Variants in RBKS observed in about 807,000 individuals in gnomAD.
RBKS encodes ribokinase.
A neutral mutation model predicts 33.9 loss-of-function variants in RBKS; 33 were observed. The observed-to-expected ratio is 0.97, with a 90% CI of 0.74 to 1.30. RBKS has a LOEUF of 1.30. Ranked by LOEUF, RBKS falls within the 50% of genes most tolerant of loss-of-function variation. The probability of loss-of-function intolerance (pLI) is 0.00; values close to 1 mark genes in which losing one functional copy is unlikely to be tolerated. For synonymous variants in RBKS, 125 were observed against 143.0 expected, an observed-to-expected ratio of 0.87 and a Z score of 0.90; for missense variants, 361 against 392.6, an observed-to-expected ratio of 0.92 and a Z score of 0.68.
At chr2:27,789,898 AGAGTG>A (rs1677476329) in intron 7 of RBKS, among the ~76,000 whole-genome samples, 1 of 130,680 alleles carries the variant, frequency 7.7e-6, no homozygotes, top group Non-Finnish European at 1.6e-5. Context: ...GTGTGTGTAT[AGAGTG>A]TGTGTGTGTG....
At chr2:27,824,761 G>A (rs1026117731) in intron 7 of RBKS, among the ~76,000 whole-genome samples, 1 of 152,120 alleles carries the variant, frequency 6.6e-6, no homozygotes, top group Non-Finnish European at 1.5e-5. Context: ...TTTTCATGAG[G>A]CAAATACTTT....
chr2:27,864,091 A>G (rs894641890), intron 1 of RBKS, among the ~76,000 whole-genome samples: 6 of 151,996 alleles, frequency 3.9e-5, no homozygotes, highest in African/African-American at 1.5e-4. Context: ...CAGTGGTACA[A>G]CCACAGCTCA....
At chr2:27,786,706 G>A (rs1190118183) in intron 7 of RBKS, among the ~76,000 whole-genome samples, 1 of 151,684 alleles carries the variant, frequency 6.6e-6, no homozygotes, top group Non-Finnish European at 1.5e-5. Context: ...GCTTGAACCC[G>A]GGAGGTGGAG....
In RBKS at chr2:27,848,110, A is replaced by C; in HGVS notation, c.223-13T>G. The stretch of plus-strand genomic sequence containing the variant: ...AATCTTTGCCAACCTGTACCAAAGA[A>C]ATAATGAATATTAGATCTTTTAGAG... On this transcript the variant is annotated splice_polypyrimidine_tract_variant and intron_variant, in intron 2 of 7. Transcript: ENST00000302188. 7.2e-7 allele frequency: 1 copy of C among 1,381,674 alleles called. No individual in the cohort carries two copies. Among genetic ancestry groups the C allele is most frequent in the South Asian group, 1.2e-5 (1 of 80,228 alleles). 85.6% of individuals were successfully genotyped at this position (1,381,674 alleles called of 1,614,324 possible).
chr2:27,803,774 C>T (rs1224654282), intron 7 of RBKS, among the ~76,000 whole-genome samples: 3 of 150,164 alleles, frequency 2.0e-5, no homozygotes, highest in African/African-American at 4.9e-5. Flanking sequence ...GGGCCAGGTG[C>T]GGTGACTCAC....
intron 5 of RBKS, among the ~76,000 whole-genome samples, chr2:27,839,355 A>G (rs903019200): frequency 3.3e-5 from 5 of 152,230 alleles, no homozygotes; most frequent in East Asian, 1.9e-4. Flanking sequence ...AAATGGATAT[A>G]AAGACCAGAA....
intron 7 of RBKS, among the ~76,000 whole-genome samples, chr2:27,806,632 CA>C (rs1677901140): frequency 6.6e-6 from 1 of 152,220 alleles, no homozygotes; most frequent in Non-Finnish European, 1.5e-5. Flanking sequence ...CCCATTAAAG[CA>C]GTCCTCTGGG....
At chr2:27,874,764 T>G (rs187340697) in intron 1 of RBKS, among the ~76,000 whole-genome samples, 2 of 152,064 alleles carry the variant, frequency 1.3e-5, no homozygotes, top group Non-Finnish European at 2.9e-5. Flanking sequence ...TTATGGGGAG[T>G]TTAAAAAACA....
At position 27,792,371 on chromosome 2, in the gene RBKS, C is replaced by T. The variant is rs1677546755; in HGVS notation, c.796-10583G>A. Among the ~76,000 whole-genome samples the T allele has an allele frequency of 2.0e-5, 3 of 152,186 alleles. No individual in the cohort carries two copies. In the South Asian group the frequency reaches 6.2e-4, roughly 31 times the overall value. ...CTTATATATAAAATGAAGTTATTAA[C>T]ATCTCTCTCATAAGGATTTTGTGAA... On this transcript the variant is annotated intron_variant, in intron 7 of 7. Transcript: ENST00000302188.
At chr2:27,878,472 A>C (rs1264022264) in intron 1 of RBKS, among the ~76,000 whole-genome samples, 21 of 151,936 alleles carry the variant, frequency 1.4e-4, no homozygotes, top group African/African-American at 4.6e-4. Context: ...GCTATTGTGA[A>C]TAGTACCGCA....
chr2:27,872,213 GA>G (rs1664227835), intron 1 of RBKS, among the ~76,000 whole-genome samples: 1 of 152,108 alleles, frequency 6.6e-6, no homozygotes, highest in African/African-American at 2.4e-5. Flanking sequence ...CAGGCTTAAT[GA>G]GCTTGAAAAA....
intron 1 of RBKS, among the ~76,000 whole-genome samples, chr2:27,869,176 C>A (rs1664156223): frequency 6.6e-6 from 1 of 151,966 alleles, no homozygotes; most frequent in Admixed American, 6.6e-5. Flanking sequence ...CTCCTTGGAC[C>A]TATTTATATT....
intron 7 of RBKS, among the ~76,000 whole-genome samples, chr2:27,785,058 A>G (rs900081607): frequency 1.3e-5 from 2 of 152,232 alleles, no homozygotes; most frequent in African/African-American, 4.8e-5. Context: ...TCCTCCTTAC[A>G]TTACATACAA....
intron 7 of RBKS, among the ~76,000 whole-genome samples, chr2:27,792,779 C>T (rs995555919): frequency 1.3e-5 from 2 of 152,162 alleles, no homozygotes; most frequent in Non-Finnish European, 2.9e-5. Flanking sequence ...TTGATCCTGC[C>T]AGTCTTCTTT....
chr2:27,825,885 T>C (rs891114283), intron 7 of RBKS, among the ~76,000 whole-genome samples: 1 of 152,260 alleles, frequency 6.6e-6, no homozygotes, highest in Non-Finnish European at 1.5e-5. Context: ...AAGCCACTTC[T>C]GTGCATCCAT....
intron 7 of RBKS, among the ~76,000 whole-genome samples, chr2:27,785,619 C>T (rs1198889368): frequency 2.0e-5 from 3 of 151,778 alleles, no homozygotes; most frequent in Admixed American, 6.6e-5. Context: ...AAAAACTAGC[C>T]GGGCGTAGTG....
intron 1 of RBKS, among the ~76,000 whole-genome samples, chr2:27,863,934 A>G (rs1664038871): frequency 6.6e-6 from 1 of 152,158 alleles, no homozygotes; most frequent in Non-Finnish European, 1.5e-5. Context: ...ATGTTCCCTA[A>G]CCCTTCATTT....
Position 27,827,651 on chromosome 2 carries a change from C to G in RBKS, c.711G>C (p.Gly237=). Residue 237 remains glycine, a synonymous_variant, in exon 7 of 8, where the codon GGG becomes GGC. Transcript: ENST00000302188. ...RGCQVVIITL[G]AEGCVVLSQT... ...GTGACAGCACCACACATCCTTCAGC[C>G]CCTAAGGTAATGATTACCACCTGGC... 6.2e-7 allele frequency: 1 copy of G among 1,613,860 alleles called. No homozygotes were observed. The highest frequency in any genetic ancestry group is 8.5e-7 in the Non-Finnish European group (1 of 1,179,914).
chr2:27,887,106 G>C (rs1487481205), intron 1 of RBKS, among the ~76,000 whole-genome samples: 1 of 152,164 alleles, frequency 6.6e-6, no homozygotes, highest in Non-Finnish European at 1.5e-5. Context: ...AGATTATTCT[G>C]AATTATCTGG....
Sources: gnomAD v4.1 joint callset for allele counts (sites outside exome capture counted in the v4.1 genomes callset) on GRCh38, gnomAD v4.1.1 for gene constraint, MANE v1.5 for transcripts, NCBI Gene and HGNC (gene_info 2026-07-23, HGNC 2026-07-21) for gene names.